Variants in NALF1 observed in about 807,000 individuals in gnomAD.
NALF1 encodes family with sequence similarity 155 member A.
NALF1 carries 3 observed loss-of-function variants against 48.4 expected under a neutral mutation model. The observed-to-expected ratio is 0.06, with a 90% CI of 0.03 to 0.16. The LOEUF is 0.16. Ranked by LOEUF, NALF1 falls within the 10% of genes least tolerant of loss-of-function variation. NALF1 has a pLI of 1.00. For missense variants in NALF1, 526 were observed against 571.5 expected (o/e 0.92, Z 0.81); for synonymous variants, 262 against 245.7 (o/e 1.07, Z -0.62).
chr13:107,620,679 A>G (rs941109392), intron 1 of NALF1, among the ~76,000 whole-genome samples: 13 of 152,172 alleles, frequency 8.5e-5, no homozygotes, highest in Non-Finnish European at 1.9e-4. Context: ...TGTTTAGTAT[A>G]CAAAAACACT....
intron 1 of NALF1, among the ~76,000 whole-genome samples, chr13:107,585,007 G>A (rs906117020): frequency 2.0e-5 from 3 of 151,876 alleles, no homozygotes; most frequent in Non-Finnish European, 2.9e-5. Context: ...TAAAGTAATC[G>A]GCAGTAGACA....
chr13:107,743,185 A>G (rs780992424), intron 1 of NALF1, among the ~76,000 whole-genome samples: 7 of 152,290 alleles, frequency 4.6e-5, no homozygotes, highest in African/African-American at 1.7e-4. Flanking sequence ...GAGATTCCCA[A>G]AGAGATTGAG....
chr13:107,800,902 T>G (rs1878593963), intron 1 of NALF1, among the ~76,000 whole-genome samples: 1 of 151,796 alleles, frequency 6.6e-6, no homozygotes. Flanking sequence ...TATAGATAAT[T>G]GAGACAAAGC....
At chr13:107,295,025 G>A (rs1230825402) in intron 1 of NALF1, among the ~76,000 whole-genome samples, 2 of 151,964 alleles carry the variant, frequency 1.3e-5, no homozygotes, top group Non-Finnish European at 2.9e-5. Flanking sequence ...TTCAGGGGGT[G>A]CATGTGCAAG....
chr13:107,705,218 G>GA (rs1334564226), intron 1 of NALF1, among the ~76,000 whole-genome samples: 1 of 152,178 alleles, frequency 6.6e-6, no homozygotes, highest in African/African-American at 2.4e-5. Flanking sequence ...TTTGTCCAAC[G>GA]AAGAAGTTGA....
rs1221902643 is a variant in NALF1 at position 107,167,923 on chromosome 13, A to G, written c.*2574T>C. ...AAGAACTTTAGTCAGTTCAAAATAT[A>G]TTGAGAAAATGAAAACCTATATTTT... is the stretch of plus-strand genomic sequence containing the variant. On this transcript the variant is annotated 3_prime_UTR_variant, in exon 3 of 3. Coordinates refer to ENST00000375915, the MANE Select transcript of NALF1 (RefSeq NM_001080396.3). 1.3e-5 allele frequency: 2 copies of G among 152,228 alleles called. No individual in the cohort carries two copies. Among genetic ancestry groups the G allele is most frequent in the Non-Finnish European group, 2.9e-5 (2 of 68,046 alleles). The allele number at this position is 152,228 out of a possible 1,614,324, so 9.4% of individuals were successfully genotyped here.
At chr13:107,418,832 A>G (rs1170410901) in intron 1 of NALF1, among the ~76,000 whole-genome samples, 1 of 152,182 alleles carries the variant, frequency 6.6e-6, no homozygotes, top group African/African-American at 2.4e-5. Flanking sequence ...CCCCTGAAAC[A>G]CAAATCACTT....
Position 107,646,335 on chromosome 13 carries a change from T to C in NALF1, c.915+219347A>G, listed in dbSNP as rs569232787. Among the ~76,000 whole-genome samples the C allele has an allele frequency of 2.0e-5, 3 of 150,438 alleles. No individual in the cohort carries two copies. The East Asian group carries it at 5.8e-4, about 29-fold the overall frequency. On this transcript the variant is annotated intron_variant, in intron 1 of 2. Transcript: ENST00000375915. ...AAAATGGTGTAGACAGGTAAAAACC[T>C]TTCACATTCACATCCTAACATAATA...
intron 1 of NALF1, among the ~76,000 whole-genome samples, chr13:107,613,772 G>A (rs1253014168): frequency 6.6e-6 from 1 of 152,130 alleles, no homozygotes; most frequent in East Asian, 1.9e-4. Flanking sequence ...AAGACAAACT[G>A]GAATAGGTTT....
intron 1 of NALF1, among the ~76,000 whole-genome samples, chr13:107,417,403 A>G (rs1443769933): frequency 1.4e-5 from 2 of 148,090 alleles, no homozygotes; most frequent in Admixed American, 6.8e-5. Context: ...GTAGGTATCT[A>G]TTATCTTCAT....
chr13:107,414,167 C>G (rs972438664), intron 1 of NALF1, among the ~76,000 whole-genome samples: 1 of 151,950 alleles, frequency 6.6e-6, no homozygotes, highest in Non-Finnish European at 1.5e-5. Flanking sequence ...AGCATATAAT[C>G]ATTAAAAAAC....
chr13:107,734,407 A>ACACACAC (rs144033603), intron 1 of NALF1, among the ~76,000 whole-genome samples: 7 of 146,494 alleles, frequency 4.8e-5, no homozygotes, highest in East Asian at 2.0e-4. Context: ...CCTTTAAAAA[A>ACACACAC]AAACACACAC....
chr13:107,536,089 A>T (rs1347080441), intron 1 of NALF1, among the ~76,000 whole-genome samples: 1 of 152,224 alleles, frequency 6.6e-6, no homozygotes, highest in Non-Finnish European at 1.5e-5. Context: ...AGATGGATTA[A>T]AGAATTACAT....
At chr13:107,514,342 T>C (rs1875987870) in intron 1 of NALF1, among the ~76,000 whole-genome samples, 1 of 152,156 alleles carries the variant, frequency 6.6e-6, no homozygotes, top group Non-Finnish European at 1.5e-5. Flanking sequence ...ATTCAAGACA[T>C]CAGACTTACG....
chr13:107,802,853 A>T (rs1199557908), intron 1 of NALF1, among the ~76,000 whole-genome samples: 1 of 152,192 alleles, frequency 6.6e-6, no homozygotes, highest in African/African-American at 2.4e-5. Context: ...TTGAATGCTT[A>T]CCTTTAAGAT....
chr13:107,373,892 A>C (rs938568305), intron 1 of NALF1, among the ~76,000 whole-genome samples: 9 of 152,210 alleles, frequency 5.9e-5, no homozygotes, highest in Admixed American at 5.9e-4. Flanking sequence ...AGAGCAAGTT[A>C]CATTCATTGA....
At chr13:107,782,108 A>C (rs1877907846) in intron 1 of NALF1, among the ~76,000 whole-genome samples, 1 of 151,990 alleles carries the variant, frequency 6.6e-6, no homozygotes, top group Non-Finnish European at 1.5e-5. Context: ...TGCCGAGCCG[A>C]AGCTGGACTG....
chr13:107,630,931 T>G (rs1395803039), intron 1 of NALF1, among the ~76,000 whole-genome samples: 1 of 152,146 alleles, frequency 6.6e-6, no homozygotes, highest in Non-Finnish European at 1.5e-5. Context: ...AATGTGTAAA[T>G]ATAGTAGTCT....
chr13:107,622,736 A>G (rs1435947432), intron 1 of NALF1, among the ~76,000 whole-genome samples: 2 of 152,106 alleles, frequency 1.3e-5, no homozygotes, highest in African/African-American at 4.8e-5. Context: ...GCTCAGATTA[A>G]TTTATTTTTT....
Sources: gnomAD v4.1 joint callset for allele counts (sites outside exome capture counted in the v4.1 genomes callset) on GRCh38, gnomAD v4.1.1 for gene constraint, MANE v1.5 for transcripts, NCBI Gene and HGNC (gene_info 2026-07-23, HGNC 2026-07-21) for gene names.